AKAP19: variants seen among roughly 807,000 people sequenced by gnomAD.
The protein encoded by AKAP19 is A-kinase anchoring protein 19.
At chr2:190,135,148 G>A in the AKAP19 span, among the ~76,000 whole-genome samples, 45 of 152,212 alleles carry the variant, frequency 3.0e-4, no homozygotes, top group East Asian at 8.3e-3. Context: ...ATAATTTTAG[G>A]GTGATTGAAA....
At chr2:190,066,070 G>T in the AKAP19 span, among the ~76,000 whole-genome samples, 1 of 152,108 alleles carries the variant, frequency 6.6e-6, no homozygotes, top group Non-Finnish European at 1.5e-5. Flanking sequence ...GCGTCTATCA[G>T]CTTGTTGGTT....
chr2:189,917,642 G>A, the AKAP19 span: 1 of 300,126 alleles, frequency 3.3e-6, no homozygotes, highest in East Asian at 7.4e-5. Context: ...TTGTATCCAA[G>A]TTAGCTTCAG....
the AKAP19 span, among the ~76,000 whole-genome samples, chr2:190,080,761 C>A: frequency 2.0e-5 from 3 of 152,176 alleles, no homozygotes; most frequent in Admixed American, 6.5e-5. Context: ...ATATTCAGAT[C>A]AACTATTTAT....
At chr2:189,930,914 AC>A in the AKAP19 span, 2 of 719,924 alleles carry the variant, frequency 2.8e-6, no homozygotes, top group Non-Finnish European at 5.1e-6. Context: ...GGCTCCTGAT[AC>A]GGCTTAGTTC....
At chr2:190,182,761 G>T in the AKAP19 span, among the ~76,000 whole-genome samples, 1 of 152,148 alleles carries the variant, frequency 6.6e-6, no homozygotes, top group South Asian at 2.1e-4. Flanking sequence ...ATACTCAGAA[G>T]TTGACTAAAA....
At chr2:190,175,395 A>G in the AKAP19 span, among the ~76,000 whole-genome samples, 3,353 of 152,320 alleles carry the variant, frequency 0.022, 130 homozygotes, top group African/African-American at 0.076. Context: ...TTGACAGCTT[A>G]TATAGTTGTA....
the AKAP19 span, among the ~76,000 whole-genome samples, chr2:189,996,229 A>G: frequency 6.6e-6 from 1 of 152,188 alleles, no homozygotes. Flanking sequence ...CAGGAGCACT[A>G]ATTATTCTTA....
At chr2:189,993,828 G>A in the AKAP19 span, among the ~76,000 whole-genome samples, 7 of 151,956 alleles carry the variant, frequency 4.6e-5, no homozygotes, top group East Asian at 1.9e-4. Flanking sequence ...ATGATCTTTC[G>A]TATTTCTGTG....
chr2:189,955,175 A>C, the AKAP19 span, among the ~76,000 whole-genome samples: 2 of 152,114 alleles, frequency 1.3e-5, no homozygotes, highest in Middle Eastern at 3.2e-3. Context: ...TTTAGCTTCC[A>C]CTTATAAGTG....
the AKAP19 span, among the ~76,000 whole-genome samples, chr2:189,978,646 A>G: frequency 1.3e-5 from 2 of 152,176 alleles, no homozygotes; most frequent in Non-Finnish European, 2.9e-5. Context: ...AAGTGAAAAC[A>G]TGGTATTTGA....
chr2:190,009,828 G>A, the AKAP19 span, among the ~76,000 whole-genome samples: 5 of 151,972 alleles, frequency 3.3e-5, no homozygotes, highest in Non-Finnish European at 7.4e-5. Flanking sequence ...TAAGAGGATG[G>A]GGAGAAGGCA....
chr2:190,106,884 G>A, the AKAP19 span, among the ~76,000 whole-genome samples: 1 of 152,196 alleles, frequency 6.6e-6, no homozygotes, highest in South Asian at 2.1e-4. Flanking sequence ...TTGTGGTAAT[G>A]TTAAGTGGTG....
chr2:189,974,914 T>A, the AKAP19 span, among the ~76,000 whole-genome samples: 1 of 152,244 alleles, frequency 6.6e-6, no homozygotes, highest in African/African-American at 2.4e-5. Context: ...AGCACACTGA[T>A]GGGTCTTGAC....
the AKAP19 span, among the ~76,000 whole-genome samples, chr2:190,099,285 T>G: frequency 6.6e-6 from 1 of 152,196 alleles, no homozygotes; most frequent in Non-Finnish European, 1.5e-5. Flanking sequence ...CATGTGACTG[T>G]TCCTTTCACT....
At chr2:190,168,112 T>A in the AKAP19 span, among the ~76,000 whole-genome samples, 1 of 152,228 alleles carries the variant, frequency 6.6e-6, no homozygotes, top group Non-Finnish European at 1.5e-5. Context: ...TTCTGAAATC[T>A]AGGCAGAGGT....
the AKAP19 span, among the ~76,000 whole-genome samples, chr2:189,886,387 C>G: frequency 1.3e-5 from 2 of 152,174 alleles, no homozygotes; most frequent in African/African-American, 4.8e-5. Context: ...CTCCTTTGAG[C>G]ATTACTTCTT....
chr2:190,164,268 C>G, the AKAP19 span, among the ~76,000 whole-genome samples: 1 of 152,246 alleles, frequency 6.6e-6, no homozygotes, highest in East Asian at 1.9e-4. Context: ...GATGTGTTGG[C>G]TCATGCCTGT....
chr2:189,897,462 T>A, the AKAP19 span, among the ~76,000 whole-genome samples: 33 of 152,312 alleles, frequency 2.2e-4, no homozygotes, highest in Non-Finnish European at 4.4e-4. Flanking sequence ...TTATGTATTC[T>A]GTGAAGTTTG....
the AKAP19 span, chr2:190,180,766 G>T: frequency 1.0e-6 from 1 of 985,258 alleles, no homozygotes; most frequent in East Asian, 1.1e-4. The surrounding 1 kb of genome is among the most constrained non-coding windows in gnomAD (Gnocchi z 6.8). Flanking sequence ...GGCCAGGTGC[G>T]GGCCGCGAAC....
Sources: gnomAD v4.1 joint callset for allele counts (sites outside exome capture counted in the v4.1 genomes callset) on GRCh38, gnomAD v4.1.1 for gene constraint, Gnocchi (gnomAD v3.1) non-coding constraint, MANE v1.5 for transcripts, NCBI Gene and HGNC (gene_info 2026-07-23, HGNC 2026-07-21) for gene names.